Variants in NAA80 observed in about 807,000 individuals in gnomAD.
The protein encoded by NAA80 is N-alpha-acetyltransferase 80.
NAA80 carries 5 observed loss-of-function variants against 8.7 expected under a neutral mutation model. The observed-to-expected ratio is 0.58, with a 90% CI of 0.30 to 1.21. The LOEUF is 1.21. NAA80 is among the 50% of genes most tolerant of loss of function. NAA80 has a pLI of 0.07. For synonymous variants in NAA80, 149 were observed against 156.6 expected, an observed-to-expected ratio of 0.95 and a Z score of 0.36; for missense variants, 360 against 368.6, an observed-to-expected ratio of 0.98 and a Z score of 0.19.
chr3:50,299,171 G>C, intron 1 of NAA80, 42 bp downstream of exon 1: 1 of 1,614,066 alleles, frequency 6.2e-7, no homozygotes, highest in Non-Finnish European at 8.5e-7. Flanking sequence ...GCACGCGCGG[G>C]GTGGACCTAC....
rs1553711610 is a variant in NAA80, at chr3:50,297,567, G to A, written c.-104C>T. ...CAGGTTCAGCTGAGTCAGGCTGGGA[G>A]CCAAGGTCACCTGCTGCTAGGTTGC... On this transcript the variant is annotated 5_prime_UTR_variant, in exon 2 of 2. Transcript: ENST00000443094. This position sits in a 1 kb window ranked among gnomAD's most constrained non-coding sequence, Gnocchi z 4.3. 2 of 1,497,736 alleles carry A rather than the reference G, an allele frequency of 1.3e-6. No homozygotes were observed. The highest frequency in any genetic ancestry group is 2.3e-5 in the Admixed American group (1 of 43,096). 92.8% of individuals were successfully genotyped at this position (1,497,736 alleles called of 1,614,324 possible).
Position 50,299,213 on chromosome 3 carries a change from A to G in NAA80, c.-210T>C, listed in dbSNP as rs782539688. ...CAAATGGGAAGGGTGCGGTACTGAC[A>G]TGTTGATGCTGGCCTCTGGGATGTT... On this transcript the variant is annotated splice_region_variant and 5_prime_UTR_variant, in exon 1 of 2. The change abolishes an upstream ATG in the 5' untranslated region. Transcript: ENST00000443094. The G allele has an allele frequency of 1.2e-6, 2 of 1,614,128 alleles. No homozygotes were observed. The highest frequency in any genetic ancestry group is 1.7e-6 in the Non-Finnish European group (2 of 1,179,998).
In NAA80 at chr3:50,297,493, G is replaced by C; in HGVS notation, c.-30C>G. The C allele has an allele frequency of 1.3e-6, 2 of 1,554,430 alleles. No homozygotes were observed. Among genetic ancestry groups the C allele is most frequent in the Non-Finnish European group, 8.7e-7 (1 of 1,146,514 alleles). On this transcript the variant is annotated 5_prime_UTR_variant, in exon 2 of 2. Coordinates refer to ENST00000443094, the MANE Select transcript of NAA80 (RefSeq NM_001200016.2). This position sits in a 1 kb window ranked among gnomAD's most constrained non-coding sequence, Gnocchi z 4.3. ...TGTGTAGGGTCTAGTGTAGGGGTCA[G>C]CTTGGCTGGGCCAGGGCTCAGAGTC...
In NAA80 at chr3:50,299,286, C is replaced by T. The variant is rs1327936019; in HGVS notation, c.-283G>A. On this transcript the variant is annotated 5_prime_UTR_variant, in exon 1 of 2. Transcript: ENST00000443094. ...TGGGTATCTCACTCAGTCGCCACCT[C>T]GGACTCCTCGGTCCGACAACGTTGG... The T allele has an allele frequency of 1.9e-6, 3 of 1,612,878 alleles. No individual in the cohort carries two copies. Among genetic ancestry groups the T allele is most frequent in the Non-Finnish European group, 2.5e-6 (3 of 1,179,846 alleles).
chr3:50,299,345 C>A lies in NAA80; in HGVS notation c.-342G>T. 1.3e-6 allele frequency: 2 copies of A among 1,569,184 alleles called. No homozygotes were observed. The highest frequency in any genetic ancestry group is 1.7e-6 in the Non-Finnish European group (2 of 1,159,930). ...GGTGCGGCGGATGTTCTGCAGCCGT[C>A]GCGTCCTGCGGCACGCCACGGCGTT... is the stretch of plus-strand genomic sequence containing the variant. On this transcript the variant is annotated 5_prime_UTR_variant, in exon 1 of 2. Coordinates refer to ENST00000443094, the MANE Select transcript of NAA80 (RefSeq NM_001200016.2).
chr3:50,299,138 G>C (rs1348802068), intron 1 of NAA80, 75 bp downstream of exon 1: 1 of 1,613,444 alleles, frequency 6.2e-7, no homozygotes, highest in Non-Finnish European at 8.5e-7. Flanking sequence ...GGGCGTGCAG[G>C]GTGGCATGGC....
Position 50,296,733 on chromosome 3 carries a change from G to T in NAA80, c.731C>A (p.Pro244His), listed in dbSNP as rs1575501007. The change falls in exon 2 of 2, where the codon CCC becomes CAC. Residue 244 changes from proline (P) to histidine (H), a missense_variant. Pro to His is a moderately conservative substitution (Grantham distance 77). Coordinates refer to ENST00000443094, the MANE Select transcript of NAA80 (RefSeq NM_001200016.2). Reference sequence around the variant, plus strand: ...GGTCAGGCACTCAGGTAGGGGAGGGGGTGGTGGCAATGGAGGTCCCTTGGG... The same window carrying T: ...GGTCAGGCACTCAGGTAGGGGAGGGTGTGGTGGCAATGGAGGTCCCTTGGG... ...RGPKGPPLPP[P>H]PPLPECLTIS... 1 of 1,611,800 alleles carries T rather than the reference G, an allele frequency of 6.2e-7. No homozygotes were observed. The highest frequency in any genetic ancestry group is 1.3e-5 in the African/African-American group (1 of 74,848).
intron 1 of NAA80, among the ~76,000 whole-genome samples, chr3:50,298,405 T>TG (rs1559812535): frequency 6.6e-6 from 1 of 152,012 alleles, no homozygotes; most frequent in African/African-American, 2.4e-5. Flanking sequence ...TCTCCTCAGA[T>TG]GGGGCCCCAG....
Position 50,297,827 on chromosome 3 carries a change from G to A in NAA80, c.-209-155C>T, listed in dbSNP as rs1466134066. On this transcript the variant is annotated intron_variant, in intron 1 of 1. Transcript: ENST00000443094. The surrounding 1 kb of genome is among the most constrained non-coding windows in gnomAD (Gnocchi z 4.3). ...CTCACCTGATAGCACAGGTGACCTG[G>A]AAGAGACCCATCCCCTATAGAGCAG... The A allele has an allele frequency of 7.1e-6, 8 of 1,121,598 alleles. No individual in the cohort carries two copies. Among genetic ancestry groups the A allele is most frequent in the Non-Finnish European group, 7.6e-6 (7 of 917,218 alleles). The allele number at this position is 1,121,598 out of a possible 1,614,324, so 69.5% of individuals were successfully genotyped here.
chr3:50,298,993 T>C, intron 1 of NAA80: 1 of 1,465,448 alleles, frequency 6.8e-7, no homozygotes, highest in Non-Finnish European at 9.0e-7. Context: ...TCTCCGTCTC[T>C]CCCGGGCCTC....
intron 1 of NAA80, chr3:50,298,930 A>G (rs587727890): frequency 1.4e-6 from 2 of 1,395,710 alleles, no homozygotes; most frequent in South Asian, 1.5e-5. Context: ...TAACCCCTTC[A>G]GTGCCGACCC....
At position 50,296,970 on chromosome 3, in the gene NAA80, C is replaced by G; in HGVS notation, c.494G>C (p.Arg165Pro). Residue 165 changes from arginine (R) to proline (P), a missense_variant, in exon 2 of 2, where the codon CGG (arginine) becomes CCG (proline). Transcript: ENST00000443094. ...ATGCAGCTTGCGGAAGCCCCGGGCC[C>G]GAGCAAAGACCTCCAGGCCCTCCAT... The part of the protein sequence containing the change: ...RLMEGLEVFA[R>P]ARGFRKLHLT... 2 of 1,591,330 alleles carry G rather than the reference C, an allele frequency of 1.3e-6. No individual in the cohort carries two copies. The highest frequency in any genetic ancestry group is 1.1e-5 in the South Asian group (1 of 87,584).
Position 50,297,842 on chromosome 3 carries a change from C to T in NAA80, c.-209-170G>A, listed in dbSNP as rs1553711646. The stretch of plus-strand genomic sequence containing the variant: ...AGGTGACCTGGAAGAGACCCATCCC[C>T]TATAGAGCAGGGCAGATAGATCCAG... On this transcript the variant is annotated intron_variant, in intron 1 of 1. Coordinates refer to ENST00000443094, the MANE Select transcript of NAA80 (RefSeq NM_001200016.2). The surrounding 1 kb of genome is among the most constrained non-coding windows in gnomAD (Gnocchi z 4.3). The T allele has an allele frequency of 9.2e-7, 1 of 1,083,094 alleles. No individual in the cohort carries two copies. The highest frequency in any genetic ancestry group is 1.1e-6 in the Non-Finnish European group (1 of 893,150). The allele number at this position is 1,083,094 out of a possible 1,614,324, so 67.1% of individuals were successfully genotyped here.
chr3:50,299,161 G>A lies in NAA80; in HGVS notation c.-210+52C>T, dbSNP rs1297326315. On this transcript the variant is annotated intron_variant, in intron 1 of 1. Coordinates refer to ENST00000443094, the MANE Select transcript of NAA80 (RefSeq NM_001200016.2). The stretch of plus-strand genomic sequence containing the variant: ...AGGGTGGCATGGCCACTTGGGGACC[G>A]CACGCGCGGGGTGGACCTACAGGCA... 4 of 1,613,820 alleles carry A rather than the reference G, an allele frequency of 2.5e-6. No homozygotes were observed. The African/African-American group carries it at 4.0e-5, about 16-fold the overall frequency.
At position 50,298,897 on chromosome 3, in the gene NAA80, A is replaced by AGCCCGGGGCTT. The variant is rs1424146038; in HGVS notation, c.-210+305_-210+315dup. ...GCCCCAGGATCCGCCCCTAGGGCTG[A>AGCCCGGGGCTT]GCCCGGGGCTTCCCCGCGGCCTTAA... is the stretch of plus-strand genomic sequence containing the variant. On this transcript the variant is annotated intron_variant, in intron 1 of 1. Coordinates refer to ENST00000443094, the MANE Select transcript of NAA80 (RefSeq NM_001200016.2). 2.4e-5 allele frequency: 32 copies of AGCCCGGGGCTT among 1,343,028 alleles called. No individual in the cohort carries two copies. In the African/African-American group the frequency reaches 4.6e-4, roughly 19 times the overall value. 83.2% of individuals were successfully genotyped at this position (1,343,028 alleles called of 1,614,324 possible).
rs587619461 is a variant in NAA80 at position 50,298,042 on chromosome 3, C to T, written c.-209-370G>A. ...TCTATAAAACAGCCGACCCAATCTA[C>T]TTGCTGGCCTTCTGTCTTCCAGTAG... On this transcript the variant is annotated intron_variant, in intron 1 of 1. Transcript: ENST00000443094. The T allele has an allele frequency of 1.0e-5, 10 of 985,790 alleles. No homozygotes were observed. In the East Asian group the frequency reaches 1.0e-3, roughly 101 times the overall value. 61.1% of individuals were successfully genotyped at this position (985,790 alleles called of 1,614,324 possible).
rs1010410898 is a variant in NAA80, at chr3:50,299,075, C to G, written c.-210+138G>C. The G allele has an allele frequency of 3.4e-5, 54 of 1,605,438 alleles. No homozygotes were observed. The Admixed American group carries it at 8.9e-4, about 27-fold the overall frequency. On this transcript the variant is annotated intron_variant, in intron 1 of 1. Transcript: ENST00000443094. ...GAATGAGGACTTCGAGAGCTCGACT[C>G]TGTGGGCAGGTGTGGCTCGGCATGG...
chr3:50,298,616 GGTCCTGCCGT>G (rs782168107), intron 1 of NAA80, among the ~76,000 whole-genome samples: 16 of 152,142 alleles, frequency 1.1e-4, no homozygotes, highest in Middle Eastern at 3.4e-3. Context: ...TCTTAACCAA[GGTCCTGCCGT>G]CCGGCAGGTC....
In NAA80 at chr3:50,296,611, C is replaced by CTTT. The variant is rs1157566184; in HGVS notation, c.850_852dup (p.Lys284dup). The CTTT allele has an allele frequency of 2.5e-5, 41 of 1,613,884 alleles. No individual in the cohort carries two copies. The highest frequency in any genetic ancestry group is 3.4e-5 in the Non-Finnish European group (40 of 1,179,990). On this transcript the variant is annotated inframe_insertion, in exon 2 of 2. Transcript: ENST00000443094. ...CCTTGCCCTGGATGGCCTCAGATGT[C>CTTT]TTTTTCCATCCAGAATATGGGGCGC...
Sources: gnomAD v4.1 joint callset for allele counts (sites outside exome capture counted in the v4.1 genomes callset) on GRCh38, gnomAD v4.1.1 for gene constraint, Gnocchi (gnomAD v3.1) non-coding constraint, MANE v1.5 for transcripts, NCBI Gene and HGNC (gene_info 2026-07-23, HGNC 2026-07-21) for gene names.